SEMA3A: variants seen among roughly 807,000 people sequenced by gnomAD.
SEMA3A encodes the protein semaphorin-3A.
In SEMA3A, 29 loss-of-function variants were observed where a neutral mutation model predicts 97.9. The observed-to-expected ratio is 0.30, with a 90% confidence interval of 0.22 to 0.40. The LOEUF (loss-of-function observed/expected upper bound fraction) is 0.40. Among genes scored for constraint, SEMA3A ranks in the 10% least tolerant of loss-of-function variants. The pLI is 1.00. For missense variants in SEMA3A, 763 were observed against 951.3 expected (o/e 0.80, Z 2.60); for synonymous variants, 321 against 323.7 (o/e 0.99, Z 0.09).
intron 1 of SEMA3A, among the ~76,000 whole-genome samples, chr7:84,176,829 G>T (rs776098045): frequency 6.6e-6 from 1 of 152,044 alleles, no homozygotes; most frequent in Admixed American, 6.6e-5. Context: ...TAGAATGCAC[G>T]AAAGTTTAGG....
chr7:84,408,633 A>G (rs1468622861), intron 1 of SEMA3A, among the ~76,000 whole-genome samples: 7 of 152,134 alleles, frequency 4.6e-5, no homozygotes, highest in South Asian at 2.1e-4. Context: ...GCAAAGACTT[A>G]GAACCAACCC....
rs140253436 is a variant in SEMA3A, at chr7:84,255,255, G to A, written c.-83+51952C>T. Among the ~76,000 whole-genome samples the A allele has an allele frequency of 2.8e-3, 433 of 152,218 alleles. 1 individual carries two copies. Among genetic ancestry groups the A allele is most frequent in the Non-Finnish European group, 4.6e-3 (310 of 67,994 alleles). On this transcript the variant is annotated intron_variant, in intron 3 of 3. Coordinates refer to the SEMA3A transcript ENST00000424555. ...ATACAGGCATTCTTTTGATAGCTGC[G>A]TATATATTATCTCTGTTATCTTCAC...
chr7:84,062,083 A>G (rs1247557506), intron 4 of SEMA3A, among the ~76,000 whole-genome samples: 1 of 152,214 alleles, frequency 6.6e-6, no homozygotes, highest in Non-Finnish European at 1.5e-5. Context: ...TAAATAATTT[A>G]TTTAAAACAT....
chr7:84,476,278 C>T (rs1806277057), intron 1 of SEMA3A, among the ~76,000 whole-genome samples: 1 of 150,890 alleles, frequency 6.6e-6, no homozygotes, highest in Non-Finnish European at 1.5e-5. Context: ...AGAATCGCTT[C>T]AACCCGGGAG....
chr7:84,217,916 AC>A (rs1798787658), intron 3 of SEMA3A, among the ~76,000 whole-genome samples: 1 of 152,090 alleles, frequency 6.6e-6, no homozygotes, highest in South Asian at 2.1e-4. Flanking sequence ...CGCCATCTCT[AC>A]AAAAAATTTA....
At chr7:83,973,382 CA>C (rs1055729931) in intron 15 of SEMA3A, among the ~76,000 whole-genome samples, 1 of 151,546 alleles carries the variant, frequency 6.6e-6, no homozygotes, top group Non-Finnish European at 1.5e-5. Flanking sequence ...CCATCTTCAG[CA>C]GTTTTTTTTT....
In SEMA3A at chr7:84,251,419, A is replaced by G. The variant is rs71558720; in HGVS notation, c.-83+55788T>C. On this transcript the variant is annotated intron_variant, in intron 3 of 3. Transcript: ENST00000424555. Reference sequence around the variant, plus strand: ...GCTTCCAAGTGGACAGGAGGACTTGAAGCCAGTACACATGGTCAGAAGAAC... The same window carrying G: ...GCTTCCAAGTGGACAGGAGGACTTGGAGCCAGTACACATGGTCAGAAGAAC... Among the ~76,000 whole-genome samples the G allele has an allele frequency of 6.5e-3, 988 of 152,282 alleles. 2 individuals are homozygous for G. The highest frequency in any genetic ancestry group is 0.017 in the Middle Eastern group (5 of 294).
At position 84,051,146 on chromosome 7, in the gene SEMA3A, T is replaced by A. The variant is rs985358977; in HGVS notation, c.548-4703A>T. ...TATAGTTTGAAGTCAGGTAGTGTGA[T>A]GCCTCCAGCTTTGTTCTTTTGGCTT... On this transcript the variant is annotated intron_variant, in intron 5 of 16. Coordinates refer to ENST00000265362, the MANE Select transcript of SEMA3A (RefSeq NM_006080.3). Among the ~76,000 whole-genome samples the A allele has an allele frequency of 1.2e-3, 183 of 149,364 alleles. 1 individual carries two copies. The East Asian group carries it at 0.016, about 13-fold the overall frequency.
At chr7:84,296,854 A>T (rs891802707) in intron 3 of SEMA3A, among the ~76,000 whole-genome samples, 1 of 152,198 alleles carries the variant, frequency 6.6e-6, no homozygotes, top group Non-Finnish European at 1.5e-5. Context: ...ATTCCAATCA[A>T]AATGTCACAC....
Position 83,979,072 on chromosome 7 carries a change from ATAT to A in SEMA3A, c.1653-1879_1653-1877del, listed in dbSNP as rs369008688. 3.1e-3 allele frequency among the ~76,000 whole-genome samples: 469 copies of A among 151,990 alleles called. 2 individuals carry two copies. The highest frequency in any genetic ancestry group is 0.011 in the African/African-American group (436 of 41,452). On this transcript the variant is annotated intron_variant, in intron 14 of 16. Coordinates refer to ENST00000265362, the MANE Select transcript of SEMA3A (RefSeq NM_006080.3). ...AAATAGATTATTACTAAATTAGGTA[ATAT>A]TATAAACTTTCACATGAAGAAGAAA...
At chr7:84,197,026 A>C (rs984926695), upstream of SEMA3A, among the ~76,000 whole-genome samples, 6 of 152,110 alleles carry the variant, frequency 3.9e-5, no homozygotes, top group Non-Finnish European at 8.8e-5. Flanking sequence ...GCTGTAAGTA[A>C]ATTTAGATAA....
intron 15 of SEMA3A, among the ~76,000 whole-genome samples, chr7:83,963,648 T>C (rs947199937): frequency 1.4e-4 from 21 of 152,320 alleles, no homozygotes; most frequent in Admixed American, 3.3e-4. Context: ...TTATATGTCA[T>C]GATAAATACT....
At chr7:84,301,457 A>G (rs1196257244) in intron 3 of SEMA3A, among the ~76,000 whole-genome samples, 1 of 151,984 alleles carries the variant, frequency 6.6e-6, no homozygotes, top group East Asian at 1.9e-4. Flanking sequence ...GAAAGAAGAC[A>G]TGTAGATGGT....
At chr7:84,364,108 T>TTAC (rs1219305035) in intron 2 of SEMA3A, among the ~76,000 whole-genome samples, 35 of 144,620 alleles carry the variant, frequency 2.4e-4, no homozygotes, top group African/African-American at 8.3e-4. Context: ...TGATTTATTA[T>TTAC]AGTTGTTAAA....
intron 1 of SEMA3A, among the ~76,000 whole-genome samples, chr7:84,426,248 T>C (rs1307881194): frequency 6.7e-6 from 1 of 150,258 alleles, no homozygotes; most frequent in Non-Finnish European, 1.5e-5. Flanking sequence ...CATAGATAGA[T>C]GATAGAGAGA....
rs1788403036 is a variant in SEMA3A at position 83,959,938 on chromosome 7, A to G, written c.*1433T>C. 1 of 152,096 alleles carries G rather than the reference A, an allele frequency of 6.6e-6. No homozygotes were observed. The highest frequency in any genetic ancestry group is 1.5e-5 in the Non-Finnish European group (1 of 67,968). The allele number at this position is 152,096 out of a possible 1,614,324, so 9.4% of individuals were successfully genotyped here. ...CCTTATTTTGTAAGTTGTTGCAGGA[A>G]ACAAAGAATTTTACATTGTTTAAAT... On this transcript the variant is annotated 3_prime_UTR_variant, in exon 17 of 17. Coordinates refer to ENST00000265362, the MANE Select transcript of SEMA3A (RefSeq NM_006080.3).
At chr7:84,223,536 C>T (rs1292974551) in intron 3 of SEMA3A, among the ~76,000 whole-genome samples, 6 of 151,584 alleles carry the variant, frequency 4.0e-5, no homozygotes, top group Admixed American at 3.3e-4. Flanking sequence ...TAATTACATA[C>T]AGAAAAAGCA....
At chr7:84,488,317 T>TACACACACACACACACAC (rs67659986) in intron 1 of SEMA3A, among the ~76,000 whole-genome samples, 22 of 145,768 alleles carry the variant, frequency 1.5e-4, no homozygotes, top group African/African-American at 4.8e-4. Flanking sequence ...TCTTCGTATA[T>TACACACACACACACACAC]ACACACACAC....
rs1416683952 is a variant in SEMA3A at position 84,424,993 on chromosome 7, TTTTA to T, written c.-245-53097_-245-53094del. Among the ~76,000 whole-genome samples, 12 of 103,480 alleles carry T rather than the reference TTTTA, an allele frequency of 1.2e-4. No homozygotes were observed. In the East Asian group the frequency reaches 1.9e-3, roughly 16 times the overall value. 67.9% of individuals were successfully genotyped at this position (103,480 alleles called of 152,430 possible). ...ATATATTTATAATTTATAATTATAT[TTTTA>T]TTTATTTATATATATTATTTATTTA... is the stretch of plus-strand genomic sequence containing the variant. On this transcript the variant is annotated intron_variant, in intron 1 of 3. Transcript: ENST00000424555.
Sources: allele counts gnomAD v4.1 joint callset (sites outside exome capture counted in the v4.1 genomes callset), GRCh38; gene constraint gnomAD v4.1.1; transcripts MANE v1.5; gene names NCBI Gene and HGNC (gene_info 2026-07-23, HGNC 2026-07-21).